Variants in SLC16A12 observed in about 807,000 individuals in gnomAD.
SLC16A12 encodes solute carrier family 16 member 12.
SLC16A12 carries 17 observed loss-of-function variants against 42.4 expected under a neutral mutation model. The ratio of observed to expected loss-of-function variants is 0.40; its 90% CI spans 0.27 to 0.60. The LOEUF (loss-of-function observed/expected upper bound fraction) is 0.60, where lower values mean the gene tolerates loss of function less well. Ranked by LOEUF, SLC16A12 falls within the 20% of genes least tolerant of loss-of-function variation. SLC16A12 has a pLI of 0.42. For synonymous variants in SLC16A12, 224 were observed against 229.4 expected, an observed-to-expected ratio of 0.98 and a Z score of 0.21; for missense variants, 544 against 623.0, an observed-to-expected ratio of 0.87 and a Z score of 1.35.
chr10:89,441,596 G>A (rs148139576), intron 4 of SLC16A12, among the ~76,000 whole-genome samples: 272 of 152,302 alleles, frequency 1.8e-3, no homozygotes, highest in African/African-American at 6.0e-3. Context: ...TTACTATAGT[G>A]TTGATCATAT....
intron 2 of SLC16A12, among the ~76,000 whole-genome samples, chr10:89,469,998 C>T (rs533914506): frequency 1.3e-5 from 2 of 152,266 alleles, no homozygotes; most frequent in African/African-American, 4.8e-5. Flanking sequence ...CTGAAATATT[C>T]CTATACTATA....
chr10:89,497,995 A>G (rs1842945717), intron 2 of SLC16A12, among the ~76,000 whole-genome samples: 1 of 152,204 alleles, frequency 6.6e-6, no homozygotes, highest in Non-Finnish European at 1.5e-5. Context: ...AACAATTCTT[A>G]TCTTTATAAC....
At chr10:89,482,073 A>G (rs2133788956) in intron 2 of SLC16A12, among the ~76,000 whole-genome samples, 1 of 152,248 alleles carries the variant, frequency 6.6e-6, no homozygotes, top group Admixed American at 6.5e-5. Flanking sequence ...GAGAAAATAA[A>G]TTTTTTGAAT....
chr10:89,453,474 T>C (rs958414950), intron 3 of SLC16A12, among the ~76,000 whole-genome samples: 1 of 152,206 alleles, frequency 6.6e-6, no homozygotes, highest in African/African-American at 2.4e-5. Flanking sequence ...CTTCATAAGA[T>C]TATAATATCA....
At chr10:89,457,763 A>G (rs79547583) in intron 3 of SLC16A12, among the ~76,000 whole-genome samples, 248 of 152,272 alleles carry the variant, frequency 1.6e-3, no homozygotes, top group Non-Finnish European at 2.6e-3. Flanking sequence ...ATCCTGCTTT[A>G]GCTACTATTT....
chr10:89,433,644 T>C (rs1221584588), intron 7 of SLC16A12, among the ~76,000 whole-genome samples: 1 of 152,236 alleles, frequency 6.6e-6, no homozygotes, highest in East Asian at 1.9e-4. Context: ...TAGCATCATT[T>C]AAATTATTAA....
chr10:89,525,163 G>A (rs547124659), intron 2 of SLC16A12, among the ~76,000 whole-genome samples: 9 of 148,646 alleles, frequency 6.1e-5, no homozygotes, highest in South Asian at 2.1e-4. Flanking sequence ...AGAAGTTGCC[G>A]TGGGCCGAGA....
chr10:89,453,291 T>C (rs1221066207), intron 3 of SLC16A12, among the ~76,000 whole-genome samples: 1 of 152,238 alleles, frequency 6.6e-6, no homozygotes, highest in Non-Finnish European at 1.5e-5. Context: ...ATGATGTTTC[T>C]TAACATTTTA....
chr10:89,481,151 G>C (rs1324721794), intron 2 of SLC16A12, among the ~76,000 whole-genome samples: 2 of 152,088 alleles, frequency 1.3e-5, no homozygotes, highest in Non-Finnish European at 1.5e-5. Flanking sequence ...TGTGCTATGA[G>C]TACAACTGTA....
rs1841898930 is a variant in SLC16A12 at position 89,440,982 on chromosome 10, A to G, written c.448+126T>C. On this transcript the variant is annotated intron_variant, in intron 5 of 7. Coordinates refer to ENST00000371790, the MANE Select transcript of SLC16A12 (RefSeq NM_213606.4). ...CTCTGTTTAACTGCTAGGTAGGTAGACATAAGCTAGGTCAACTAAATTATG... is the reference window on the plus strand; with the variant it reads ...CTCTGTTTAACTGCTAGGTAGGTAGGCATAAGCTAGGTCAACTAAATTATG... The G allele has an allele frequency of 1.5e-5, 17 of 1,165,224 alleles. No homozygotes were observed. In the South Asian group the frequency reaches 1.8e-4, roughly 12 times the overall value. 72.2% of individuals were successfully genotyped at this position (1,165,224 alleles called of 1,614,324 possible). A position where few individuals can be genotyped will look rare whatever the true frequency, so the allele number is the denominator to read the frequency against.
chr10:89,436,546 T>C (rs1841789471), intron 6 of SLC16A12, among the ~76,000 whole-genome samples: 1 of 152,064 alleles, frequency 6.6e-6, no homozygotes, highest in African/African-American at 2.4e-5. Context: ...ATTAGAAAGG[T>C]AGAATATTAA....
At chr10:89,507,639 GACCATCA>G (rs1843086362) in intron 2 of SLC16A12, among the ~76,000 whole-genome samples, 1 of 152,216 alleles carries the variant, frequency 6.6e-6, no homozygotes, top group Non-Finnish European at 1.5e-5. Flanking sequence ...AAATTGTGAA[GACCATCA>G]ACACTATGAA....
chr10:89,496,595 C>G (rs1842925091), intron 2 of SLC16A12, among the ~76,000 whole-genome samples: 1 of 152,124 alleles, frequency 6.6e-6, no homozygotes, highest in African/African-American at 2.4e-5. Flanking sequence ...AAACTCAGAG[C>G]CCTCAATCTT....
intron 3 of SLC16A12, among the ~76,000 whole-genome samples, chr10:89,447,571 C>T (rs1842025378): frequency 6.6e-6 from 1 of 152,160 alleles, no homozygotes; most frequent in Admixed American, 6.5e-5. Flanking sequence ...AGAACAAAGA[C>T]ACAATGTACC....
At chr10:89,471,538 T>C (rs1001930226) in intron 2 of SLC16A12, among the ~76,000 whole-genome samples, 3 of 152,364 alleles carry the variant, frequency 2.0e-5, no homozygotes, top group East Asian at 1.9e-4. Flanking sequence ...ATTTGTTTGT[T>C]GATAATTGTT....
Position 89,499,356 on chromosome 10 carries a change from A to G in SLC16A12, c.-47+35145T>C, listed in dbSNP as rs186417478. Among the ~76,000 whole-genome samples the G allele has an allele frequency of 1.4e-3, 216 of 152,292 alleles. 1 individual carries two copies. Among genetic ancestry groups the G allele is most frequent in the African/African-American group, 5.1e-3 (210 of 41,564 alleles). On this transcript the variant is annotated intron_variant, in intron 2 of 7. Transcript: ENST00000371790. ...GATCACCTGAGGTCAGGAGTTCAAG[A>G]CCAGCCTGACCAACATGGAGAACGC... is the stretch of plus-strand genomic sequence containing the variant.
chr10:89,497,807 A>C (rs986568646), intron 2 of SLC16A12, among the ~76,000 whole-genome samples: 2 of 152,112 alleles, frequency 1.3e-5, no homozygotes, highest in Non-Finnish European at 2.9e-5. Context: ...TCTTTCTAAT[A>C]AGATATAAAC....
intron 2 of SLC16A12, among the ~76,000 whole-genome samples, chr10:89,473,720 C>T (rs1842536595): frequency 6.6e-6 from 1 of 152,150 alleles, no homozygotes; most frequent in Non-Finnish European, 1.5e-5. Flanking sequence ...TGGGGAGGTA[C>T]TCTTTTAGGG....
At chr10:89,548,502 C>A (rs2133889004) in intron 2 of SLC16A12, among the ~76,000 whole-genome samples, 2 of 151,932 alleles carry the variant, frequency 1.3e-5, no homozygotes, top group Middle Eastern at 6.8e-3. Flanking sequence ...CCTGCAATGT[C>A]TAGTAGGAGA....
Sources: gnomAD v4.1 joint callset for allele counts (sites outside exome capture counted in the v4.1 genomes callset) on GRCh38, gnomAD v4.1.1 for gene constraint, MANE v1.5 for transcripts, NCBI Gene and HGNC (gene_info 2026-07-23, HGNC 2026-07-21) for gene names.